PLCB1: variants seen among roughly 807,000 people sequenced by gnomAD.
PLCB1 encodes phospholipase C beta 1, also known as 1-phosphatidylinositol 4,5-bisphosphate phosphodiesterase beta-1.
In PLCB1, 46 loss-of-function variants were observed where a neutral mutation model predicts 161.8. The observed-to-expected ratio is 0.28, with a 90% CI of 0.22 to 0.36. The LOEUF (loss-of-function observed/expected upper bound fraction) is 0.36. PLCB1 is among the 10% of genes least tolerant of loss of function. PLCB1 has a pLI of 1.00. For missense variants in PLCB1, 1,016 were observed against 1,472.5 expected (o/e 0.69, Z 5.07); for synonymous variants, 517 against 503.7 (o/e 1.03, Z -0.35).
intron 2 of PLCB1, among the ~76,000 whole-genome samples, chr20:8,151,074 T>G (rs935345534): frequency 2.0e-5 from 3 of 152,216 alleles, no homozygotes; most frequent in Admixed American, 1.3e-4. Context: ...GGTTATTATT[T>G]CAAGCATCGT....
intron 15 of PLCB1, 53 bp downstream of exon 15, chr20:8,722,474 CT>C: frequency 7.8e-7 from 1 of 1,283,074 alleles, no homozygotes; most frequent in Non-Finnish European, 1.1e-6. Context: ...CTGTACTCTC[CT>C]GGGTCTGTCT....
In PLCB1 at chr20:8,663,034, TGTTA is replaced by T. The variant is rs567762195; in HGVS notation, c.862+4335_862+4338del. On this transcript the variant is annotated intron_variant, in intron 9 of 31. Transcript: ENST00000338037. ...TTAACTGTTTTCAGATGTGCCCAGGTGTTAGTTAAATTGGTGTTGATCTCAGTGC... is the reference window on the plus strand; with the variant it reads ...TTAACTGTTTTCAGATGTGCCCAGGTGTTAAATTGGTGTTGATCTCAGTGC... Among the ~76,000 whole-genome samples the T allele has an allele frequency of 3.4e-4, 51 of 152,208 alleles. No homozygotes were observed. The South Asian group carries it at 0.01, about 30-fold the overall frequency.
intron 3 of PLCB1, among the ~76,000 whole-genome samples, chr20:8,590,320 G>A (rs574515966): frequency 6.6e-6 from 1 of 152,110 alleles, no homozygotes; most frequent in Non-Finnish European, 1.5e-5. Context: ...CTCATTATAT[G>A]AATGTAAAAT....
chr20:8,779,088 C>T (rs886708337), intron 27 of PLCB1, among the ~76,000 whole-genome samples: 3 of 152,076 alleles, frequency 2.0e-5, no homozygotes, highest in East Asian at 1.9e-4. Context: ...AAAATTAAGC[C>T]GACAGTATTT....
In PLCB1 at chr20:8,739,107, C is replaced by T. The variant is rs186692659; in HGVS notation, c.2209-154C>T. 2.4e-3 allele frequency among the ~76,000 whole-genome samples: 368 copies of T among 152,282 alleles called. 1 individual carries two copies. Among genetic ancestry groups the T allele is most frequent in the Non-Finnish European group, 3.9e-3 (264 of 68,012 alleles). On this transcript the variant is annotated intron_variant, in intron 20 of 31. Transcript: ENST00000338037. ...CGGAGGTTGCAGTGAGCCAAGATCA[C>T]GCCACTGCACTTCAGCCTGGGTGAC... is the stretch of plus-strand genomic sequence containing the variant.
intron 3 of PLCB1, among the ~76,000 whole-genome samples, chr20:8,573,040 A>C (rs1986569469): frequency 6.6e-6 from 1 of 152,168 alleles, no homozygotes; most frequent in Admixed American, 6.5e-5. Context: ...CAGTAACACA[A>C]AATGCCGTGG....
In PLCB1 at chr20:8,844,809, G is replaced by A. The variant is rs138901925; in HGVS notation, c.3424-36813G>A. On this transcript the variant is annotated intron_variant, in intron 31 of 31. Transcript: ENST00000338037. Reference sequence around the variant, plus strand: ...ATATGCATGCATCTTAAAAGACTACGGATTTAAAGTACTAGATTAGGCCAG... The same window carrying A: ...ATATGCATGCATCTTAAAAGACTACAGATTTAAAGTACTAGATTAGGCCAG... Among the ~76,000 whole-genome samples, 575 of 152,064 alleles carry A rather than the reference G, an allele frequency of 3.8e-3. 5 individuals are homozygous for A. The highest frequency in any genetic ancestry group is 0.013 in the African/African-American group (545 of 41,472).
intron 7 of PLCB1, 75 bp downstream of exon 7, chr20:8,649,524 T>G: frequency 9.7e-7 from 1 of 1,027,862 alleles, no homozygotes; most frequent in Admixed American, 1.7e-5. Flanking sequence ...ATCCCCAATA[T>G]GACAGTTTTG....
rs542393283 is a variant in PLCB1, at chr20:8,243,778, A to G, written c.177+93407A>G. ...TGATAAGGTCAAATGCTAAAGGCCT[A>G]TAGTAATTGTTTTTAGCTGTTCTCT... is the stretch of plus-strand genomic sequence containing the variant. On this transcript the variant is annotated intron_variant, in intron 2 of 31. Transcript: ENST00000338037. 3.3e-5 allele frequency among the ~76,000 whole-genome samples: 5 copies of G among 152,102 alleles called. No homozygotes were observed. In the South Asian group the frequency reaches 8.3e-4, roughly 25 times the overall value.
chr20:8,812,229 A>G (rs2146253745), intron 31 of PLCB1, among the ~76,000 whole-genome samples: 1 of 152,330 alleles, frequency 6.6e-6, no homozygotes, highest in Middle Eastern at 3.4e-3. Context: ...TGGAAGAAGA[A>G]GGGGAGAGAG....
At chr20:8,491,967 G>GTTA (rs1367503849) in intron 3 of PLCB1, among the ~76,000 whole-genome samples, 3 of 151,748 alleles carry the variant, frequency 2.0e-5, no homozygotes, top group African/African-American at 7.3e-5. Flanking sequence ...TTTGGTTGTT[G>GTTA]TTTCAGGTTG....
At chr20:8,258,744 G>C (rs997105526) in intron 2 of PLCB1, among the ~76,000 whole-genome samples, 1 of 152,044 alleles carries the variant, frequency 6.6e-6, no homozygotes, top group Non-Finnish European at 1.5e-5. Flanking sequence ...ATTTCGATTA[G>C]TGTTATTTTT....
intron 1 of PLCB1, among the ~76,000 whole-genome samples, chr20:8,136,877 C>G (rs16994434): frequency 0.053 from 8,056 of 152,212 alleles, 729 homozygotes; most frequent in African/African-American, 0.18. Flanking sequence ...CCATTCTCTA[C>G]AGCAAGTCAG....
intron 3 of PLCB1, among the ~76,000 whole-genome samples, chr20:8,549,600 TG>T (rs1985702362): frequency 6.6e-6 from 1 of 152,200 alleles, no homozygotes; most frequent in South Asian, 2.1e-4. Context: ...TCTATGTTTT[TG>T]TTTTTGTTTT....
chr20:8,482,292 C>T (rs911657342), intron 3 of PLCB1, among the ~76,000 whole-genome samples: 14 of 151,580 alleles, frequency 9.2e-5, no homozygotes, highest in Non-Finnish European at 1.5e-4. Flanking sequence ...TTAGTAGAGA[C>T]GGGGTTTCAC....
chr20:8,265,855 T>C (rs1356394544), intron 2 of PLCB1, among the ~76,000 whole-genome samples: 2 of 152,208 alleles, frequency 1.3e-5, no homozygotes, highest in South Asian at 2.1e-4. Flanking sequence ...TTTAACTTTT[T>C]TTACCATCAC....
chr20:8,807,128 CTT>C (rs1482811180), intron 31 of PLCB1, among the ~76,000 whole-genome samples: 2 of 152,242 alleles, frequency 1.3e-5, no homozygotes, highest in East Asian at 1.9e-4. Context: ...TTTATGATCT[CTT>C]TTGAGTCCGT....
chr20:8,441,449 A>G (rs553486319), intron 3 of PLCB1, among the ~76,000 whole-genome samples: 3 of 152,330 alleles, frequency 2.0e-5, no homozygotes, highest in South Asian at 2.1e-4. Context: ...ACACCTTGCA[A>G]TTTACTAGTT....
intron 3 of PLCB1, among the ~76,000 whole-genome samples, chr20:8,610,097 T>G (rs1195995115): frequency 2.0e-5 from 3 of 152,170 alleles, no homozygotes; most frequent in South Asian, 2.1e-4. Flanking sequence ...CCATTTACCT[T>G]TCTGTCTCTA....
Sources: allele counts gnomAD v4.1 joint callset (sites outside exome capture counted in the v4.1 genomes callset), GRCh38; gene constraint gnomAD v4.1.1; transcripts MANE v1.5; gene names NCBI Gene and HGNC (gene_info 2026-07-23, HGNC 2026-07-21).